Variants in LRRTM4 observed in about 807,000 individuals in gnomAD.
LRRTM4 encodes the protein leucine-rich repeat transmembrane neuronal protein 4.
LRRTM4 carries 25 observed loss-of-function variants against 47.6 expected under a neutral mutation model. The ratio of observed to expected loss-of-function variants is 0.53; its 90% confidence interval spans 0.38 to 0.73. LRRTM4 has a LOEUF of 0.73. LRRTM4 is among the 30% of genes least tolerant of loss of function. The pLI is 0.00. For synonymous variants in LRRTM4, 311 were observed against 269.5 expected, an observed-to-expected ratio of 1.15 and a Z score of -1.51; for missense variants, 638 against 713.4, an observed-to-expected ratio of 0.89 and a Z score of 1.20.
chr2:77,520,007 A>G, intron 2 of LRRTM4, 143 bp from the exon 3 acceptor site: 3 of 1,360,478 alleles, frequency 2.2e-6, no homozygotes, highest in Non-Finnish European at 2.9e-6. Context: ...TTCGAGCATT[A>G]TTTTCTTCAG....
At position 76,779,943 on chromosome 2, in the gene LRRTM4, G is replaced by A. The variant is rs551592770; in HGVS notation, c.1552-31027C>T. Among the ~76,000 whole-genome samples the A allele has an allele frequency of 3.3e-3, 499 of 151,878 alleles. 2 individuals are homozygous for A. Among genetic ancestry groups the A allele is most frequent in the African/African-American group, 0.011 (469 of 41,468 alleles). On this transcript the variant is annotated intron_variant, in intron 3 of 3. Transcript: ENST00000409884. ...TTTAGTGCTTCCTTCAGGAGCTCTT[G>A]TAAGGCAGGCCTGGTGGTGACAAAA...
At chr2:77,306,517 C>T (rs1677277484) in intron 3 of LRRTM4, among the ~76,000 whole-genome samples, 1 of 152,186 alleles carries the variant, frequency 6.6e-6, no homozygotes, top group African/African-American at 2.4e-5. Context: ...AATGTGATGC[C>T]TCTAGCATTC....
chr2:77,139,469 G>A (rs1558600501), intron 3 of LRRTM4, among the ~76,000 whole-genome samples: 1 of 151,918 alleles, frequency 6.6e-6, no homozygotes, highest in Non-Finnish European at 1.5e-5. Flanking sequence ...GTATTGATGG[G>A]GCGTATCTCA....
At chr2:77,345,236 G>T (rs375077239) in intron 3 of LRRTM4, among the ~76,000 whole-genome samples, 2 of 151,480 alleles carry the variant, frequency 1.3e-5, no homozygotes, top group Admixed American at 6.6e-5. Context: ...AATATAAATG[G>T]TGTAATCACA....
chr2:77,167,761 T>A (rs1005459510), intron 3 of LRRTM4, among the ~76,000 whole-genome samples: 9 of 152,014 alleles, frequency 5.9e-5, no homozygotes, highest in African/African-American at 2.2e-4. Context: ...ATGAGAACAT[T>A]TGGACACAGG....
chr2:77,492,576 T>C (rs1204308744), intron 3 of LRRTM4, among the ~76,000 whole-genome samples: 2 of 152,122 alleles, frequency 1.3e-5, no homozygotes, highest in African/African-American at 4.8e-5. Flanking sequence ...ACATTTCTAA[T>C]TGGTGCTATT....
intron 3 of LRRTM4, among the ~76,000 whole-genome samples, chr2:76,832,813 C>G (rs1279982850): frequency 6.6e-6 from 1 of 151,914 alleles, no homozygotes; most frequent in Admixed American, 6.6e-5. Flanking sequence ...ATGATGACAG[C>G]TAGATTAGGG....
intron 3 of LRRTM4, among the ~76,000 whole-genome samples, chr2:76,809,613 C>A (rs1670667682): frequency 1.3e-5 from 2 of 152,156 alleles, no homozygotes; most frequent in South Asian, 4.1e-4. Flanking sequence ...ATTCTTGCCT[C>A]CCCTACCTTT....
chr2:77,310,973 C>T (rs1558682221), intron 3 of LRRTM4, among the ~76,000 whole-genome samples: 4 of 149,748 alleles, frequency 2.7e-5, no homozygotes, highest in Admixed American at 1.3e-4. Flanking sequence ...TGATGTGTGT[C>T]TGAGATATAT....
intron 3 of LRRTM4, among the ~76,000 whole-genome samples, chr2:76,779,560 T>A (rs1409215464): frequency 1.3e-5 from 2 of 148,226 alleles, no homozygotes; most frequent in Non-Finnish European, 3.0e-5. Flanking sequence ...TAAAGTCTGT[T>A]TTATCAGAGA....
chr2:77,353,986 G>C (rs746554231), intron 3 of LRRTM4, among the ~76,000 whole-genome samples: 1 of 152,172 alleles, frequency 6.6e-6, no homozygotes, highest in Non-Finnish European at 1.5e-5. Context: ...AGTGTGCTGA[G>C]AGTAGCAACT....
chr2:76,902,558 T>C (rs1004708843), intron 3 of LRRTM4, among the ~76,000 whole-genome samples: 1 of 152,176 alleles, frequency 6.6e-6, no homozygotes, highest in Admixed American at 6.6e-5. Flanking sequence ...ATTTGGGGGA[T>C]AGAACTAGAA....
chr2:77,030,402 C>T (rs1678612561), intron 3 of LRRTM4, among the ~76,000 whole-genome samples: 1 of 152,152 alleles, frequency 6.6e-6, no homozygotes, highest in Non-Finnish European at 1.5e-5. Context: ...CACTGCACTC[C>T]AGCCTGGGTT....
At chr2:77,290,751 A>G (rs900053166) in intron 3 of LRRTM4, among the ~76,000 whole-genome samples, 1 of 152,144 alleles carries the variant, frequency 6.6e-6, no homozygotes, top group Middle Eastern at 3.4e-3. Flanking sequence ...TTCCTTCACA[A>G]CAGAGCCATA....
chr2:77,393,978 T>G (rs776254316), intron 3 of LRRTM4, among the ~76,000 whole-genome samples: 102 of 152,066 alleles, frequency 6.7e-4, no homozygotes, highest in Non-Finnish European at 1.0e-3. Context: ...TTCTGATTTA[T>G]CAGAAATTTA....
At chr2:76,756,076 A>T (rs1245574618) in intron 3 of LRRTM4, among the ~76,000 whole-genome samples, 1 of 152,314 alleles carries the variant, frequency 6.6e-6, no homozygotes, top group East Asian at 1.9e-4. Context: ...CCAGGCAAGG[A>T]TTAAGTCATG....
intron 3 of LRRTM4, among the ~76,000 whole-genome samples, chr2:77,373,212 A>T (rs1254466897): frequency 6.6e-6 from 1 of 150,890 alleles, no homozygotes; most frequent in African/African-American, 2.4e-5. Flanking sequence ...ATTTCAATTG[A>T]TAGGCAACTT....
intron 3 of LRRTM4, among the ~76,000 whole-genome samples, chr2:77,507,959 A>G (rs1366078601): frequency 6.6e-6 from 1 of 152,124 alleles, no homozygotes; most frequent in African/African-American, 2.4e-5. Flanking sequence ...CTAGAAGAGA[A>G]GTACGTACAA....
At chr2:77,317,515 A>G (rs1477091754) in intron 3 of LRRTM4, among the ~76,000 whole-genome samples, 1 of 152,212 alleles carries the variant, frequency 6.6e-6, no homozygotes, top group Non-Finnish European at 1.5e-5. Flanking sequence ...CTGAATAAAT[A>G]TAATATTTTC....
Sources: allele counts gnomAD v4.1 joint callset (sites outside exome capture counted in the v4.1 genomes callset), GRCh38; gene constraint gnomAD v4.1.1; transcripts MANE v1.5; gene names NCBI Gene and HGNC (gene_info 2026-07-23, HGNC 2026-07-21).